Variants in FAM114A1 observed in about 807,000 individuals in gnomAD.
The protein encoded by FAM114A1 is protein NOXP20.
A neutral mutation model predicts 64.3 loss-of-function variants in FAM114A1; 62 were observed. The observed-to-expected ratio is 0.96, with a 90% CI of 0.79 to 1.19. The LOEUF is 1.19. FAM114A1 is among the 50% of genes most tolerant of loss of function. The pLI is 0.00. For synonymous variants in FAM114A1, 254 were observed against 251.1 expected (o/e 1.01, Z -0.11); for missense variants, 645 against 676.3 (o/e 0.95, Z 0.51).
intron 8 of FAM114A1, among the ~76,000 whole-genome samples, chr4:38,919,319 G>GC (rs906783453): frequency 6.8e-4 from 104 of 152,240 alleles, no homozygotes; most frequent in African/African-American, 2.1e-3. Flanking sequence ...CTCTGCTTCA[G>GC]CCTGCCTGCC....
At chr4:38,907,115 C>G (rs1415184569) in intron 6 of FAM114A1, among the ~76,000 whole-genome samples, 2 of 152,106 alleles carry the variant, frequency 1.3e-5, no homozygotes, top group East Asian at 3.9e-4. Flanking sequence ...TCAGGACATG[C>G]CAGAAATATA....
chr4:38,922,590 G>C (rs536857597), intron 8 of FAM114A1, among the ~76,000 whole-genome samples, 180 bp from the exon 9 acceptor site: 1 of 152,296 alleles, frequency 6.6e-6, no homozygotes, highest in Admixed American at 6.5e-5. Context: ...CTGAGACCCA[G>C]AGAGCTTATC....
Position 38,867,969 on chromosome 4 carries a change from A to G in FAM114A1, c.-158+135A>G, listed in dbSNP as rs183655383. The G allele has an allele frequency of 4.4e-4, 155 of 348,762 alleles. 3 individuals are homozygous for G. Among genetic ancestry groups the G allele is most frequent in the African/African-American group, 3.3e-3 (152 of 45,570 alleles). 21.6% of individuals were successfully genotyped at this position (348,762 alleles called of 1,614,324 possible). A position where few individuals can be genotyped will look rare whatever the true frequency, so the allele number is the denominator to read the frequency against. On this transcript the variant is annotated intron_variant, in intron 1 of 14. Coordinates refer to ENST00000358869, the MANE Select transcript of FAM114A1 (RefSeq NM_138389.4). The stretch of plus-strand genomic sequence containing the variant: ...ACCCACGAATCCTGCCCTCTGCGTT[A>G]GTGAGAAGCAGTGGTCAGGGAGGAC...
chr4:38,870,264 C>T (rs1184265603), intron 2 of FAM114A1, among the ~76,000 whole-genome samples: 1 of 152,250 alleles, frequency 6.6e-6, no homozygotes, highest in Non-Finnish European at 1.5e-5. Context: ...GACATTTGCA[C>T]ATGCTCTCAT....
At chr4:38,924,748 C>T (rs957104523) in intron 9 of FAM114A1, among the ~76,000 whole-genome samples, 6 of 152,138 alleles carry the variant, frequency 3.9e-5, no homozygotes, top group African/African-American at 1.2e-4. Flanking sequence ...GAAACTAAAA[C>T]ACTAGCTGTC....
chr4:38,926,921 A>C (rs1476591990), intron 9 of FAM114A1, among the ~76,000 whole-genome samples: 1 of 145,896 alleles, frequency 6.9e-6, no homozygotes, highest in Admixed American at 6.7e-5. Context: ...TATATGCTGC[A>C]AAAGCCCCCT....
At chr4:38,894,861 C>T (rs898535220) in intron 4 of FAM114A1, among the ~76,000 whole-genome samples, 4 of 152,132 alleles carry the variant, frequency 2.6e-5, no homozygotes, top group Non-Finnish European at 5.9e-5. Context: ...TTACAGTTTC[C>T]GTGGGTCAAG....
At chr4:38,925,782 G>A (rs1011962659) in intron 9 of FAM114A1, among the ~76,000 whole-genome samples, 14 of 152,092 alleles carry the variant, frequency 9.2e-5, no homozygotes, top group Admixed American at 4.6e-4. Flanking sequence ...TCTTGGCCAT[G>A]TGTACAGACC....
At position 38,905,457 on chromosome 4, in the gene FAM114A1, T is replaced by C. The variant is rs11940275; in HGVS notation, c.437-65T>C. On this transcript the variant is annotated intron_variant, in intron 4 of 14. Transcript: ENST00000358869. ...CAACTTGAAACAGCTTTGTAAGATTTGGTGGAGGATTTGCAGACCGTGGAT... is the reference window on the plus strand; with the variant it reads ...CAACTTGAAACAGCTTTGTAAGATTCGGTGGAGGATTTGCAGACCGTGGAT... The C allele has an allele frequency of 3.5e-3, 4,023 of 1,160,756 alleles. 115 individuals carry two copies. In the African/African-American group the frequency reaches 0.053, roughly 15 times the overall value. The allele number at this position is 1,160,756 out of a possible 1,614,324, so 71.9% of individuals were successfully genotyped here.
In FAM114A1 at chr4:38,905,797, C is replaced by T; in HGVS notation, c.593C>T (p.Pro198Leu). The part of the protein sequence containing the change: ...ATDQGPAESP[P>L]TSPSSASRGM... ...GATCAGGGCCCTGCAGAAAGCCCAC[C>T]CACTTCCCCTTCATCAGCCTCTCGG... The change falls in exon 6 of 15, where the codon CCC becomes CTC. Residue 198 changes from proline to leucine, a missense_variant. Coordinates refer to ENST00000358869, the MANE Select transcript of FAM114A1 (RefSeq NM_138389.4). The T allele has an allele frequency of 6.2e-7, 1 of 1,614,044 alleles. No homozygotes were observed. Among genetic ancestry groups the T allele is most frequent in the Non-Finnish European group, 8.5e-7 (1 of 1,180,016 alleles).
In FAM114A1 at chr4:38,919,938, C is replaced by T. The variant is rs140840775; in HGVS notation, c.946-2832C>T. Among the ~76,000 whole-genome samples, 326 of 152,204 alleles carry T rather than the reference C, an allele frequency of 2.1e-3. 1 individual carries two copies. The highest frequency in any genetic ancestry group is 0.013 in the South Asian group (62 of 4,822). On this transcript the variant is annotated intron_variant, in intron 8 of 14. Transcript: ENST00000358869. ...GAAACTAATCATTTTCGGCTGGGCG[C>T]GATGGCACACCTGTAATCCCAGCAC...
chr4:38,923,531 C>T (rs569823239), intron 9 of FAM114A1, among the ~76,000 whole-genome samples: 2 of 152,252 alleles, frequency 1.3e-5, no homozygotes, highest in Admixed American at 6.5e-5. Context: ...TATGCTGCCA[C>T]TTATAATTTT....
At chr4:38,929,684 A>G (rs936939198) in intron 10 of FAM114A1, among the ~76,000 whole-genome samples, 3 of 152,182 alleles carry the variant, frequency 2.0e-5, no homozygotes, top group Admixed American at 2.0e-4. Flanking sequence ...GACTGAGGCA[A>G]GAGAATCGCT....
At chr4:38,934,540 G>A (rs907616489) in intron 12 of FAM114A1, among the ~76,000 whole-genome samples, 3 of 152,086 alleles carry the variant, frequency 2.0e-5, no homozygotes, top group Admixed American at 1.3e-4. Context: ...TTAACTTGGG[G>A]TTATCATTCC....
chr4:38,926,966 C>T (rs1354746790), intron 9 of FAM114A1, among the ~76,000 whole-genome samples: 3 of 152,204 alleles, frequency 2.0e-5, no homozygotes, highest in African/African-American at 7.2e-5. Context: ...AAACGATTTG[C>T]TTGTTGTGGC....
intron 4 of FAM114A1, among the ~76,000 whole-genome samples, chr4:38,898,986 A>C (rs1420199854): frequency 1.9e-5 from 2 of 107,472 alleles, no homozygotes; most frequent in Admixed American, 2.0e-4. Flanking sequence ...TTATATATGT[A>C]ATATATGTTA....
At chr4:38,937,776 C>A (rs1721232743) in intron 13 of FAM114A1, among the ~76,000 whole-genome samples, 1 of 152,144 alleles carries the variant, frequency 6.6e-6, no homozygotes, top group East Asian at 1.9e-4. Flanking sequence ...GCTCTGTCGC[C>A]CAGGCTGGAG....
intron 10 of FAM114A1, 92 bp downstream of exon 10, chr4:38,929,425 GA>G: frequency 7.4e-6 from 7 of 948,518 alleles, no homozygotes; most frequent in Non-Finnish European, 9.8e-6. Flanking sequence ...ACCTGAAATG[GA>G]AAACCCCCAA....
intron 2 of FAM114A1, among the ~76,000 whole-genome samples, chr4:38,871,210 C>T (rs568274913): frequency 1.3e-5 from 2 of 151,338 alleles, no homozygotes; most frequent in East Asian, 3.9e-4. Context: ...ATGCCTCAGC[C>T]TCCAGAGTAG....
Sources: allele counts gnomAD v4.1 joint callset (sites outside exome capture counted in the v4.1 genomes callset), GRCh38; gene constraint gnomAD v4.1.1; transcripts MANE v1.5; gene names NCBI Gene and HGNC (gene_info 2026-07-23, HGNC 2026-07-21).